TNR: variants seen among roughly 807,000 people sequenced by gnomAD.
TNR encodes tenascin R.
TNR carries 45 observed loss-of-function variants against 150.4 expected under a neutral mutation model. The ratio of observed to expected loss-of-function variants is 0.30; its 90% CI spans 0.24 to 0.38. TNR has a LOEUF of 0.38. Ranked by LOEUF, TNR falls within the 10% of genes least tolerant of loss-of-function variation. TNR has a pLI of 1.00. For synonymous variants in TNR, 687 were observed against 678.4 expected (o/e 1.01, Z -0.20); for missense variants, 1,544 against 1,759.1 (o/e 0.88, Z 2.19).
rs184076142 is a variant in TNR at position 175,691,663 on chromosome 1, C to T, written c.-165+51563G>A. 7.9e-5 allele frequency among the ~76,000 whole-genome samples: 12 copies of T among 152,250 alleles called. No homozygotes were observed. The East Asian group carries it at 2.3e-3, about 29-fold the overall frequency. On this transcript the variant is annotated intron_variant, in intron 1 of 22. Transcript: ENST00000367674. ...AGCCCCAAACTTGGTTTATTAATCT[C>T]TTTGTCGGTTTCAATGCTCAGATCA...
chr1:175,640,708 C>G (rs1454662367), intron 1 of TNR, among the ~76,000 whole-genome samples: 1 of 151,644 alleles, frequency 6.6e-6, no homozygotes, highest in African/African-American at 2.4e-5. Context: ...CTTTAAAGTA[C>G]CTGGGCTAAG....
intron 1 of TNR, among the ~76,000 whole-genome samples, chr1:175,668,686 C>T (rs576228092): frequency 3.3e-5 from 5 of 152,266 alleles, no homozygotes; most frequent in African/African-American, 1.2e-4. Context: ...GAACACCTAC[C>T]GTGACCGGCA....
At chr1:175,440,511 A>G (rs1300681492) in intron 2 of TNR, among the ~76,000 whole-genome samples, 1 of 152,036 alleles carries the variant, frequency 6.6e-6, no homozygotes, top group African/African-American at 2.4e-5. Context: ...CATGTACCCT[A>G]AAACTTAAAG....
At chr1:175,726,701 A>T (rs1477315383) in intron 1 of TNR, among the ~76,000 whole-genome samples, 1 of 152,280 alleles carries the variant, frequency 6.6e-6, no homozygotes, top group African/African-American at 2.4e-5. Context: ...CCAGGCCAAT[A>T]ATATAAAATA....
chr1:175,510,781 T>C (rs1557977782), intron 2 of TNR, among the ~76,000 whole-genome samples: 1 of 152,200 alleles, frequency 6.6e-6, no homozygotes, highest in Non-Finnish European at 1.5e-5. Flanking sequence ...TATCAGATAG[T>C]AAATTAATGA....
At chr1:175,600,926 G>GA (rs918523667) in intron 1 of TNR, among the ~76,000 whole-genome samples, 11 of 151,630 alleles carry the variant, frequency 7.3e-5, no homozygotes, top group African/African-American at 2.2e-4. Flanking sequence ...GGTCTTGAGT[G>GA]AAAAAAAAAT....
chr1:175,679,298 T>C (rs1665959854), intron 1 of TNR, among the ~76,000 whole-genome samples: 1 of 152,196 alleles, frequency 6.6e-6, no homozygotes, highest in African/African-American at 2.4e-5. Flanking sequence ...CGGGGCAGGC[T>C]CCTGGGCCAG....
intron 1 of TNR, among the ~76,000 whole-genome samples, chr1:175,575,190 T>C (rs1240715558): frequency 2.0e-5 from 3 of 152,240 alleles, no homozygotes; most frequent in African/African-American, 7.2e-5. Flanking sequence ...AATATTCAAG[T>C]TGGTGGCTGT....
chr1:175,703,834 G>A (rs1010241829), intron 1 of TNR, among the ~76,000 whole-genome samples: 2 of 152,172 alleles, frequency 1.3e-5, no homozygotes, highest in Admixed American at 6.5e-5. Flanking sequence ...AGCGTATAGG[G>A]GTATGGGCTC....
At chr1:175,538,715 C>T (rs1660385821) in intron 1 of TNR, 1 of 152,194 alleles carries the variant, frequency 6.6e-6, no homozygotes, top group South Asian at 2.1e-4. Context: ...ATTTTGACTA[C>T]CAACGATACC....
intron 2 of TNR, among the ~76,000 whole-genome samples, chr1:175,447,465 C>A (rs1656107106): frequency 6.6e-6 from 1 of 152,132 alleles, no homozygotes; most frequent in South Asian, 2.1e-4. Flanking sequence ...TTGTTTATGG[C>A]TAGCACGTTT....
intron 2 of TNR, among the ~76,000 whole-genome samples, chr1:175,443,178 A>T (rs1014850383): frequency 3.9e-5 from 6 of 152,186 alleles, no homozygotes; most frequent in Non-Finnish European, 8.8e-5. Context: ...AAATGTCTTT[A>T]CTTTATGCCG....
In TNR at chr1:175,419,994, G is replaced by A. The variant is rs148025049; in HGVS notation, c.-63-13217C>T. Among the ~76,000 whole-genome samples, 46 of 152,308 alleles carry A rather than the reference G, an allele frequency of 3.0e-4. 1 individual carries two copies. The East Asian group carries it at 7.7e-3, about 26-fold the overall frequency. ...GAAGGGGAGCTCCACCCAGAGAGGC[G>A]TGGTGTGGAGGAGAGTCAGGCCCTC... On this transcript the variant is annotated intron_variant, in intron 2 of 22. Transcript: ENST00000367674.
chr1:175,482,391 A>AC (rs778101069), intron 2 of TNR, among the ~76,000 whole-genome samples: 44 of 152,198 alleles, frequency 2.9e-4, no homozygotes, highest in Non-Finnish European at 5.6e-4. Flanking sequence ...AACATAATGA[A>AC]CCAGAGTTAA....
At chr1:175,452,441 C>T (rs541125102) in intron 2 of TNR, among the ~76,000 whole-genome samples, 25 of 152,294 alleles carry the variant, frequency 1.6e-4, no homozygotes, top group African/African-American at 5.8e-4. Context: ...CCCAGGTGGA[C>T]GGGGGGACGG....
intron 1 of TNR, among the ~76,000 whole-genome samples, chr1:175,648,695 G>A (rs897673362): frequency 1.3e-5 from 2 of 152,088 alleles, no homozygotes; most frequent in African/African-American, 4.8e-5. Flanking sequence ...TTCTCCCATA[G>A]TAACAAAATG....
intron 1 of TNR, among the ~76,000 whole-genome samples, chr1:175,690,406 T>C (rs555618615): frequency 6.6e-6 from 1 of 152,266 alleles, no homozygotes; most frequent in East Asian, 1.9e-4. Context: ...GGTTGCTACT[T>C]CTAGATGGGG....
At chr1:175,328,272 G>A (rs376621720) in intron 21 of TNR, among the ~76,000 whole-genome samples, 3 of 152,180 alleles carry the variant, frequency 2.0e-5, no homozygotes, top group Admixed American at 6.5e-5. Context: ...TTTAGGAGCT[G>A]CTCAACAACC....
At chr1:175,480,386 G>GAAGA (rs200426775) in intron 2 of TNR, among the ~76,000 whole-genome samples, 2 of 114,116 alleles carry the variant, frequency 1.8e-5, no homozygotes, top group South Asian at 2.9e-4. Flanking sequence ...AAAGGAAAGA[G>GAAGA]AAGAAAGAAA....
Sources: gnomAD v4.1 joint callset for allele counts (sites outside exome capture counted in the v4.1 genomes callset) on GRCh38, gnomAD v4.1.1 for gene constraint, MANE v1.5 for transcripts, NCBI Gene and HGNC (gene_info 2026-07-23, HGNC 2026-07-21) for gene names.